Variants in DMAP1 observed in about 807,000 individuals in gnomAD.
DMAP1 encodes the protein DNA methyltransferase 1 associated protein 1, also known as DNA methyltransferase 1-associated protein 1.
DMAP1 carries 26 observed loss-of-function variants against 52.7 expected under a neutral mutation model. The observed-to-expected ratio is 0.49, with a 90% CI of 0.36 to 0.68. The LOEUF (loss-of-function observed/expected upper bound fraction) is 0.68. Among genes scored for constraint, DMAP1 ranks in the 30% least tolerant of loss-of-function variants. The probability of loss-of-function intolerance (pLI) is 0.00; values close to 1 mark genes in which losing one functional copy is unlikely to be tolerated. For missense variants in DMAP1, 439 were observed against 625.2 expected (o/e 0.70, Z 3.18); for synonymous variants, 231 against 246.0 (o/e 0.94, Z 0.57).
chr1:44,213,956 G>C lies in DMAP1; in HGVS notation c.105+98G>C, dbSNP rs1643734945. The C allele has an allele frequency of 9.0e-7, 1 of 1,105,582 alleles. No homozygotes were observed. Among genetic ancestry groups the C allele is most frequent in the African/African-American group, 1.6e-5 (1 of 64,198 alleles). 68.5% of individuals were successfully genotyped at this position (1,105,582 alleles called of 1,614,324 possible). A position where few individuals can be genotyped will look rare whatever the true frequency, so the allele number is the denominator to read the frequency against. On this transcript the variant is annotated intron_variant, in intron 1 of 9. Transcript: ENST00000372289. This position sits in a 1 kb window ranked among gnomAD's most constrained non-coding sequence, Gnocchi z 4.5. ...AAGGGATGGGTGCTACACTTACAGTGAGTTGGGCGATAAAAGGGGTGACAT... is the reference window on the plus strand; with the variant it reads ...AAGGGATGGGTGCTACACTTACAGTCAGTTGGGCGATAAAAGGGGTGACAT...
chr1:44,214,326 C>T, intron 1 of DMAP1, 24 bp from the exon 2 acceptor site: 2 of 1,608,080 alleles, frequency 1.2e-6, no homozygotes, highest in Non-Finnish European at 1.7e-6. Flanking sequence ...GGTTGTGGTT[C>T]CTTTCTGTGG....
chr1:44,220,261 C>A lies in DMAP1; in HGVS notation c.1296C>A (p.Pro432=), dbSNP rs144125108. 7.1e-5 allele frequency: 111 copies of A among 1,568,266 alleles called. No homozygotes were observed. In the African/African-American group the frequency reaches 1.2e-3, roughly 18 times the overall value. ...AVTEPGLGPD[P]KDTIIDVVGA... ...CTGAACCCGGACTTGGTCCTGACCCCAAGGACACCATCATTGATGTGGTGG... is the reference window on the plus strand; with the variant it reads ...CTGAACCCGGACTTGGTCCTGACCCAAAGGACACCATCATTGATGTGGTGG... The change falls in exon 9 of 10, where the codon CCC becomes CCA. Residue 432 remains proline, a synonymous_variant. Coordinates refer to ENST00000372289, the MANE Select transcript of DMAP1 (RefSeq NM_019100.5).
chr1:44,214,447 T>C lies in DMAP1; in HGVS notation c.197+6T>C. On this transcript the variant is annotated splice_donor_region_variant and intron_variant, in intron 2 of 9. Transcript: ENST00000372289. ...TTGCTCTACTCTGACAAGAAGCAAG[T>C]ATTGGAGTCCCAAGTCCCCCAGGTT... The C allele has an allele frequency of 6.2e-7, 1 of 1,614,052 alleles. No individual in the cohort carries two copies. The highest frequency in any genetic ancestry group is 8.5e-7 in the Non-Finnish European group (1 of 1,179,944).
chr1:44,216,196 C>T (rs1226964187), intron 3 of DMAP1: 1 of 151,806 alleles, frequency 6.6e-6, no homozygotes, highest in East Asian at 1.9e-4. Context: ...CTATGAGCTA[C>T]TTGAGAGGAC....
intron 3 of DMAP1, chr1:44,215,798 G>C: frequency 5.8e-6 from 1 of 173,184 alleles, no homozygotes; most frequent in Non-Finnish European, 1.2e-5. Context: ...TGAGTTACCT[G>C]TGTAGCTCAG....
In DMAP1 at chr1:44,220,642, CGCTGTTATGTAAATAGA is replaced by C; in HGVS notation, c.*29_*45del. On this transcript the variant is annotated 3_prime_UTR_variant, in exon 10 of 10. Coordinates refer to ENST00000372289, the MANE Select transcript of DMAP1 (RefSeq NM_019100.5). ...GAGAGGCCCCACGGGGTGTGGGCGA[CGCTGTTATGTAAATAGA>C]GCTGCTGAGTTGGACCAGGCTGCTT... 1 of 1,613,986 alleles carries C rather than the reference CGCTGTTATGTAAATAGA, an allele frequency of 6.2e-7. No individual in the cohort carries two copies. Among genetic ancestry groups the C allele is most frequent in the Non-Finnish European group, 8.5e-7 (1 of 1,179,904 alleles).
chr1:44,218,313 T>C lies in DMAP1; in HGVS notation c.396T>C (p.Thr132=), dbSNP rs1572030448. 3 of 1,614,232 alleles carry C rather than the reference T, an allele frequency of 1.9e-6. No individual in the cohort carries two copies. The highest frequency in any genetic ancestry group is 2.5e-6 in the Non-Finnish European group (3 of 1,180,028). Residue 132 remains threonine, a splice_region_variant and synonymous_variant, in exon 4 of 10, where the codon ACT becomes ACC. Transcript: ENST00000372289. This position sits in a 1 kb window ranked among gnomAD's most constrained non-coding sequence, Gnocchi z 5.6. ...ACTGTGTCCCTCTGTGCTAGTAGAC[T>C]GTGCAGGTGCCTGTGTACTCGGAGC... The part of the protein sequence containing the change: ...KDYPFARFNK[T]VQVPVYSEQE...
At chr1:44,214,597 CAT>C in intron 2 of DMAP1, 104 bp from the exon 3 acceptor site, 1 of 1,613,032 alleles carries the variant, frequency 6.2e-7, no homozygotes, top group Non-Finnish European at 8.5e-7. Flanking sequence ...TGCTCCAGGA[CAT>C]GACTTTCTTG....
At chr1:44,220,401 C>T in intron 9 of DMAP1, 92 bp downstream of exon 9, 3 of 1,530,128 alleles carry the variant, frequency 2.0e-6, no homozygotes, top group East Asian at 2.4e-5. Context: ...CTAGTGCCTG[C>T]AGCAGGAACG....
intron 1 of DMAP1, among the ~76,000 whole-genome samples, chr1:44,214,112 AT>A (rs1643739618): frequency 6.6e-6 from 1 of 152,158 alleles, no homozygotes; most frequent in South Asian, 2.1e-4. Flanking sequence ...TTTGCAAGAT[AT>A]TGTTGGGGAG....
In DMAP1 at chr1:44,213,973, G is replaced by T. The variant is rs142208631; in HGVS notation, c.105+115G>T. On this transcript the variant is annotated intron_variant, in intron 1 of 9. Transcript: ENST00000372289. This position sits in a 1 kb window ranked among gnomAD's most constrained non-coding sequence, Gnocchi z 4.5. ...CTTACAGTGAGTTGGGCGATAAAAG[G>T]GGTGACATAACAGGACAGGGAATAT... is the stretch of plus-strand genomic sequence containing the variant. 2.1e-6 allele frequency: 2 copies of T among 942,702 alleles called. No individual in the cohort carries two copies. Among genetic ancestry groups the T allele is most frequent in the East Asian group, 2.6e-5 (1 of 37,974 alleles). 58.4% of individuals were successfully genotyped at this position (942,702 alleles called of 1,614,324 possible). A position where few individuals can be genotyped will look rare whatever the true frequency, so the allele number is the denominator to read the frequency against.
intron 3 of DMAP1, chr1:44,215,535 A>C: frequency 3.0e-6 from 1 of 333,944 alleles, no homozygotes; most frequent in Non-Finnish European, 5.9e-6. Context: ...TAAGGAAATA[A>C]ATTGGAGTCT....
chr1:44,214,381 C>T lies in DMAP1; in HGVS notation c.137C>T (p.Thr46Ile), dbSNP rs1333410656. The T allele has an allele frequency of 1.9e-6, 3 of 1,614,026 alleles. No homozygotes were observed. The highest frequency in any genetic ancestry group is 2.5e-6 in the Non-Finnish European group (3 of 1,180,034). The change falls in exon 2 of 10, where the codon ACT becomes ATT. Residue 46 changes from threonine to isoleucine, a missense_variant. This residue lies in a region of DMAP1 where 118 missense variants were observed against 189.8 expected (regional missense o/e 0.62). Transcript: ENST00000372289. ...KKSKKSSETL[T>I]FKRPEGMHRE... is the part of the protein sequence containing the mutation. Reference sequence around the variant, plus strand: ...TCCAAGAAGTCCTCTGAGACACTGACTTTCAAGAGGCCCGAGGGCATGCAC... The same window carrying T: ...TCCAAGAAGTCCTCTGAGACACTGATTTTCAAGAGGCCCGAGGGCATGCAC...
intron 9 of DMAP1, 119 bp from the exon 10 acceptor site, chr1:44,220,440 G>A (rs935493343): frequency 3.2e-6 from 5 of 1,580,606 alleles, no homozygotes; most frequent in African/African-American, 1.3e-5. Context: ...GTCTGAGACT[G>A]AGGGTAGGAG....
At chr1:44,215,492 AAAG>A in intron 3 of DMAP1, 1 of 345,278 alleles carries the variant, frequency 2.9e-6, no homozygotes, top group Non-Finnish European at 5.8e-6. Context: ...ACAACAGAAC[AAAG>A]AAGGTAGGGG....
intron 3 of DMAP1, chr1:44,217,764 C>T (rs1643823732): frequency 4.8e-6 from 1 of 206,742 alleles, no homozygotes; most frequent in Non-Finnish European, 1.0e-5. Flanking sequence ...CTATTTGTCT[C>T]TGGGGGAGGT....
At chr1:44,216,241 CTTCT>C (rs1266607456) in intron 3 of DMAP1, 3 of 149,558 alleles carry the variant, frequency 2.0e-5, no homozygotes, top group Non-Finnish European at 4.4e-5. Flanking sequence ...TTTTTTTTTC[CTTCT>C]TTGAGACAGG....
At chr1:44,220,458 A>C in intron 9 of DMAP1, 101 bp from the exon 10 acceptor site, 1 of 1,602,300 alleles carries the variant, frequency 6.2e-7, no homozygotes, top group East Asian at 2.2e-5. Flanking sequence ...GAGTGGGTTG[A>C]CCAGTGGGCG....
Position 44,220,287 on chromosome 1 carries a change from G to T in DMAP1, c.1322G>T (p.Gly441Val). 6.4e-7 allele frequency: 1 copy of T among 1,552,832 alleles called. No homozygotes were observed. The highest frequency in any genetic ancestry group is 1.7e-4 in the Middle Eastern group (1 of 5,762). Residue 441 changes from glycine (G) to valine (V), a missense_variant, in exon 9 of 10, where the codon GGC becomes GTC. By Grantham distance (109) the Gly-to-Val change is moderately radical. Coordinates refer to ENST00000372289, the MANE Select transcript of DMAP1 (RefSeq NM_019100.5). ...AAGGACACCATCATTGATGTGGTGGGCGCACCCCTCACGCCCAATTCGGTA... is the reference window on the plus strand; with the variant it reads ...AAGGACACCATCATTGATGTGGTGGTCGCACCCCTCACGCCCAATTCGGTA... ...DPKDTIIDVV[G>V]APLTPNSRKR...
Sources: allele counts gnomAD v4.1 joint callset (sites outside exome capture counted in the v4.1 genomes callset), GRCh38; gene constraint gnomAD v4.1.1; regional missense constraint gnomAD v4.1.1; non-coding constraint Gnocchi (gnomAD v3.1); transcripts MANE v1.5; gene names NCBI Gene and HGNC (gene_info 2026-07-23, HGNC 2026-07-21).